Variants in NXN observed in about 807,000 individuals in gnomAD.
NXN encodes the protein nucleoredoxin, also known as nucleoredoxin 1.
Under a neutral mutation model 48.6 loss-of-function variants are expected in NXN, and 16 were observed. That is an observed-to-expected ratio of 0.33 (90% confidence interval 0.22 to 0.50). The LOEUF (loss-of-function observed/expected upper bound fraction) is 0.50. NXN is among the 20% of genes least tolerant of loss of function. The pLI is 0.98. For synonymous variants in NXN, 281 were observed against 269.6 expected (o/e 1.04, Z -0.41); for missense variants, 492 against 605.5 (o/e 0.81, Z 1.97).
chr17:808,546 C>T (rs1385023696), intron 5 of NXN, among the ~76,000 whole-genome samples: 7 of 152,174 alleles, frequency 4.6e-5, no homozygotes, highest in African/African-American at 4.8e-5. Context: ...CCGCCCACCT[C>T]GGCCTCCCAA....
intron 1 of NXN, among the ~76,000 whole-genome samples, chr17:828,874 TTAAAA>T (rs1913288359): frequency 6.6e-6 from 1 of 150,678 alleles, no homozygotes; most frequent in African/African-American, 2.5e-5. Flanking sequence ...AAAAGGAAGA[TTAAAA>T]TGATTGAATT....
At chr17:918,878 A>G (rs1012127963) in intron 1 of NXN, among the ~76,000 whole-genome samples, 2 of 151,602 alleles carry the variant, frequency 1.3e-5, no homozygotes, top group Non-Finnish European at 2.9e-5. Flanking sequence ...AAGTTAAACT[A>G]CGTTTCCACA....
chr17:952,979 G>T lies in NXN; in HGVS notation c.360+26340C>A, dbSNP rs376177154. Among the ~76,000 whole-genome samples the T allele has an allele frequency of 9.2e-5, 14 of 152,266 alleles. 1 individual carries two copies. The highest frequency in any genetic ancestry group is 3.4e-4 in the African/African-American group (14 of 41,548). ...GATAATACATGAAAAGCAGTAACAA[G>T]GTGGTCCTAGAGGGGTCCTAGGCTA... is the stretch of plus-strand genomic sequence containing the variant. On this transcript the variant is annotated intron_variant, in intron 1 of 7. Transcript: ENST00000336868.
intron 1 of NXN, among the ~76,000 whole-genome samples, chr17:948,629 A>C (rs2069072391): frequency 6.6e-6 from 1 of 151,954 alleles, no homozygotes; most frequent in Admixed American, 6.6e-5. Flanking sequence ...CAGGGGTGAA[A>C]ACCATCACTC....
intron 1 of NXN, among the ~76,000 whole-genome samples, chr17:841,307 G>C (rs1914165263): frequency 6.6e-6 from 1 of 152,192 alleles, no homozygotes; most frequent in African/African-American, 2.4e-5. Context: ...GGCAGCACTG[G>C]ACTAGATGGT....
At chr17:897,072 G>A (rs980149639) in intron 1 of NXN, 1 of 1,061,880 alleles carries the variant, frequency 9.4e-7, no homozygotes, top group African/African-American at 1.7e-5. Flanking sequence ...AGCTTTGACA[G>A]CCAGGGACTG....
intron 1 of NXN, among the ~76,000 whole-genome samples, chr17:938,981 G>A (rs1208470090): frequency 6.6e-6 from 1 of 151,932 alleles, no homozygotes; most frequent in Non-Finnish European, 1.5e-5. Flanking sequence ...GAGCCTGGGA[G>A]GCAGAGACTG....
intron 1 of NXN, among the ~76,000 whole-genome samples, chr17:964,543 G>A (rs993153336): frequency 3.9e-5 from 6 of 152,130 alleles, no homozygotes; most frequent in Non-Finnish European, 7.4e-5. Context: ...GGTTGAAGCC[G>A]GGACTTTCTG....
At chr17:841,902 C>G (rs140704319) in intron 1 of NXN, among the ~76,000 whole-genome samples, 1 of 152,080 alleles carries the variant, frequency 6.6e-6, no homozygotes, top group Non-Finnish European at 1.5e-5. Flanking sequence ...TTTGGGAGGC[C>G]GAGGTGGGCG....
chr17:907,226 G>C (rs2068589387), intron 1 of NXN, among the ~76,000 whole-genome samples: 1 of 152,054 alleles, frequency 6.6e-6, no homozygotes. Flanking sequence ...AACCTATCTT[G>C]TTCCCTTTCC....
chr17:878,720 T>C (rs772277103), intron 1 of NXN, among the ~76,000 whole-genome samples: 1 of 151,984 alleles, frequency 6.6e-6, no homozygotes, highest in Non-Finnish European at 1.5e-5. Context: ...CCCAACCTGA[T>C]TGAACCCAGT....
chr17:833,265 C>G (rs573241077), intron 1 of NXN, among the ~76,000 whole-genome samples: 2 of 152,252 alleles, frequency 1.3e-5, no homozygotes, highest in South Asian at 4.1e-4. Context: ...CATTAGGGAG[C>G]TGCATCTGTG....
chr17:979,473 C>A lies in NXN; in HGVS notation c.206G>T (p.Gly69Val), dbSNP rs1053115345. 3.4e-6 allele frequency: 4 copies of A among 1,192,298 alleles called. No homozygotes were observed. The highest frequency in any genetic ancestry group is 7.5e-5 in the East Asian group (2 of 26,782). The allele number at this position is 1,192,298 out of a possible 1,614,324, so 73.9% of individuals were successfully genotyped here. Residue 69 changes from glycine to valine, a missense_variant, in exon 1 of 8, where the codon GGG becomes GTG. Around this residue, in one of 3 missense-constraint regions of NXN, gnomAD observed 186 missense variants for 199.1 expected, o/e 0.93. Transcript: ENST00000336868. ...CGCCGCCCCGGCCCCCGCTCCCGGC[C>A]CCGGCCCGGCCGCCGCGTCCCCCCG... ...RLRGDAAAGP[G>V]PGAGAGAAAE...
At chr17:902,629 C>T (rs1490587103) in intron 1 of NXN, among the ~76,000 whole-genome samples, 5 of 151,966 alleles carry the variant, frequency 3.3e-5, no homozygotes, top group Non-Finnish European at 1.5e-5. Flanking sequence ...ACGAAGGAGA[C>T]GTGAGGAAAA....
intron 5 of NXN, among the ~76,000 whole-genome samples, chr17:818,886 A>G (rs1328398164): frequency 2.7e-5 from 4 of 150,254 alleles, no homozygotes; most frequent in Non-Finnish European, 5.9e-5. Flanking sequence ...CTCCGTCTCA[A>G]AAAAAAAAAG....
intron 1 of NXN, among the ~76,000 whole-genome samples, chr17:900,913 CTT>C (rs11367844): frequency 0.011 from 807 of 75,880 alleles, 4 homozygotes; most frequent in African/African-American, 0.028. Flanking sequence ...GATCTGCATT[CTT>C]TTTTTTTTTT....
At chr17:971,675 A>G (rs2069381504) in intron 1 of NXN, among the ~76,000 whole-genome samples, 1 of 151,594 alleles carries the variant, frequency 6.6e-6, no homozygotes, top group African/African-American at 2.4e-5. Flanking sequence ...GCGCCACTGC[A>G]CTCCAGCCTG....
At chr17:821,746 G>A (rs1407886749) in intron 4 of NXN, among the ~76,000 whole-genome samples, 2 of 150,232 alleles carry the variant, frequency 1.3e-5, no homozygotes, top group Non-Finnish European at 3.0e-5. Context: ...GCGAGACTCC[G>A]TCTCAAAAAA....
intron 1 of NXN, chr17:896,859 C>CGGGGGGGGGGGGCG: frequency 1.8e-6 from 1 of 541,042 alleles, no homozygotes; most frequent in Non-Finnish European, 2.9e-6. Flanking sequence ...TCCTGACCAC[C>CGGGGGGGGGGGGCG]CGCCCCCGGC....
Sources: gnomAD v4.1 joint callset for allele counts (sites outside exome capture counted in the v4.1 genomes callset) on GRCh38, gnomAD v4.1.1 for gene constraint, gnomAD v4.1.1 regional missense constraint, MANE v1.5 for transcripts, NCBI Gene and HGNC (gene_info 2026-07-23, HGNC 2026-07-21) for gene names.